NFIB: variants seen among roughly 807,000 people sequenced by gnomAD.
The protein encoded by NFIB is nuclear factor I B.
NFIB carries 11 observed loss-of-function variants against 61.5 expected under a neutral mutation model. The ratio of observed to expected loss-of-function variants is 0.18; its 90% CI spans 0.11 to 0.30. The LOEUF is 0.30. NFIB is among the 10% of genes least tolerant of loss of function. The pLI is 1.00. For missense variants in NFIB, 471 were observed against 608.9 expected (o/e 0.77, Z 2.38); for synonymous variants, 260 against 216.5 (o/e 1.20, Z -1.76).
At chr9:14,289,762 G>A (rs1588149803) in intron 2 of NFIB, among the ~76,000 whole-genome samples, 1 of 151,916 alleles carries the variant, frequency 6.6e-6, no homozygotes, top group African/African-American at 2.4e-5. Flanking sequence ...TAATGAATAA[G>A]AGAAAACAGT....
the NFIB span, among the ~76,000 whole-genome samples, chr9:14,421,878 C>G: frequency 6.6e-6 from 1 of 152,138 alleles, no homozygotes; most frequent in Non-Finnish European, 1.5e-5. Flanking sequence ...AATAGATATT[C>G]AGGACTCCAA....
chr9:14,507,861 C>G, the NFIB span, among the ~76,000 whole-genome samples: 1 of 151,862 alleles, frequency 6.6e-6, no homozygotes, highest in Non-Finnish European at 1.5e-5. Flanking sequence ...CACAGGCTGC[C>G]GGCATCAGAA....
the NFIB span, among the ~76,000 whole-genome samples, chr9:14,512,542 A>T: frequency 6.6e-6 from 1 of 152,190 alleles, no homozygotes; most frequent in Non-Finnish European, 1.5e-5. Flanking sequence ...TATTGATATA[A>T]TGGATTAAAT....
intron 2 of NFIB, among the ~76,000 whole-genome samples, chr9:14,189,967 C>G (rs2047769073): frequency 3.9e-5 from 6 of 152,002 alleles, no homozygotes; most frequent in Admixed American, 2.0e-4. Context: ...TCTACAAATA[C>G]AAATGTAGTG....
chr9:14,447,334 T>C, the NFIB span, among the ~76,000 whole-genome samples: 4 of 152,330 alleles, frequency 2.6e-5, no homozygotes, highest in African/African-American at 9.6e-5. Flanking sequence ...TTTATTGCAG[T>C]ATGCTCCGTA....
chr9:14,347,669 T>G (rs916051504), intron 1 of NFIB, among the ~76,000 whole-genome samples: 1 of 152,042 alleles, frequency 6.6e-6, no homozygotes, highest in Non-Finnish European at 1.5e-5. Flanking sequence ...CCGCCCAAGG[T>G]CCCAGAGGCA....
At chr9:14,099,886 A>G (rs1391238382) in intron 10 of NFIB, among the ~76,000 whole-genome samples, 2 of 152,132 alleles carry the variant, frequency 1.3e-5, no homozygotes, top group African/African-American at 2.4e-5. Context: ...AGCCTGGCCA[A>G]CATGGTGAAA....
the NFIB span, among the ~76,000 whole-genome samples, chr9:14,499,222 C>T: frequency 5.3e-5 from 8 of 152,248 alleles, no homozygotes; most frequent in African/African-American, 1.7e-4. Context: ...GGAGTAAAGC[C>T]TTATTTAACT....
At chr9:14,340,654 TG>T (rs747604125) in intron 1 of NFIB, among the ~76,000 whole-genome samples, 18 of 152,260 alleles carry the variant, frequency 1.2e-4, no homozygotes, top group Non-Finnish European at 2.6e-4. Flanking sequence ...AACAGGAAAC[TG>T]GCTGCTCTTC....
chr9:14,382,321 C>T (rs560603542), intron 1 of NFIB, among the ~76,000 whole-genome samples: 57 of 151,562 alleles, frequency 3.8e-4, no homozygotes, highest in Non-Finnish European at 2.5e-4. Flanking sequence ...CAATTGTTGA[C>T]GGCACCAGGG....
At chr9:14,507,651 G>C in the NFIB span, among the ~76,000 whole-genome samples, 9 of 152,290 alleles carry the variant, frequency 5.9e-5, 1 homozygote, top group African/African-American at 1.9e-4. Flanking sequence ...AGATAATGCA[G>C]ATATATCTTA....
At chr9:14,365,586 C>G (rs1201609955) in intron 1 of NFIB, among the ~76,000 whole-genome samples, 1 of 152,202 alleles carries the variant, frequency 6.6e-6, no homozygotes, top group Non-Finnish European at 1.5e-5. Flanking sequence ...TCCATCTTTT[C>G]CATAATGATG....
At chr9:14,269,789 T>C (rs2057469742) in intron 2 of NFIB, among the ~76,000 whole-genome samples, 1 of 152,140 alleles carries the variant, frequency 6.6e-6, no homozygotes, top group Non-Finnish European at 1.5e-5. Flanking sequence ...TTTAGGAGAT[T>C]AGCTTCAATC....
At chr9:14,425,547 A>T in the NFIB span, among the ~76,000 whole-genome samples, 1 of 151,990 alleles carries the variant, frequency 6.6e-6, no homozygotes, top group South Asian at 2.1e-4. Context: ...TATATAAGAA[A>T]CTATATTTTC....
chr9:14,210,300 A>G (rs1563904639), intron 2 of NFIB, among the ~76,000 whole-genome samples: 2 of 151,908 alleles, frequency 1.3e-5, no homozygotes, highest in African/African-American at 4.8e-5. Flanking sequence ...TATTTAAAAC[A>G]TTTTTTGTGG....
At chr9:14,491,378 G>C in the NFIB span, among the ~76,000 whole-genome samples, 1 of 152,130 alleles carries the variant, frequency 6.6e-6, no homozygotes, top group African/African-American at 2.4e-5. Flanking sequence ...GGATGAATAA[G>C]GGCAAGAAGA....
rs757249697 is a variant in NFIB, at chr9:14,307,509, G to A, written c.42C>T (p.His14=). ...GTGGAAGAAGTGCCTCGATGAATGG[G>A]TGAAATTCATCCTGTGGAAGACAGA... The part of the protein sequence containing the change: ...SPICLTQDEF[H]PFIEALLPHV... Residue 14 remains histidine, a synonymous_variant, in exon 2 of 11, where the codon CAC becomes CAT. Coordinates refer to ENST00000380953, the MANE Select transcript of NFIB (RefSeq NM_001190737.2). The surrounding 1 kb of genome is among the most constrained non-coding windows in gnomAD (Gnocchi z 5.3). 1.2e-6 allele frequency: 2 copies of A among 1,602,836 alleles called. No homozygotes were observed. Among genetic ancestry groups the A allele is most frequent in the Non-Finnish European group, 1.7e-6 (2 of 1,172,686 alleles).
intron 2 of NFIB, among the ~76,000 whole-genome samples, chr9:14,236,973 T>C (rs2053807139): frequency 6.6e-6 from 1 of 152,188 alleles, no homozygotes; most frequent in Admixed American, 6.5e-5. Context: ...CTCTCATTTT[T>C]TTTTCTTCTT....
intron 10 of NFIB, among the ~76,000 whole-genome samples, chr9:14,112,525 G>T (rs978125072): frequency 6.6e-6 from 1 of 152,186 alleles, no homozygotes; most frequent in Non-Finnish European, 1.5e-5. Flanking sequence ...TAATAGGAAT[G>T]AAGTGTCGCC....
Sources: allele counts gnomAD v4.1 joint callset (sites outside exome capture counted in the v4.1 genomes callset), GRCh38; gene constraint gnomAD v4.1.1; non-coding constraint Gnocchi (gnomAD v3.1); transcripts MANE v1.5; gene names NCBI Gene and HGNC (gene_info 2026-07-23, HGNC 2026-07-21).